SPAST: variants seen among roughly 807,000 people sequenced by gnomAD.
SPAST encodes the protein spastic paraplegia 4 (autosomal dominant; spastin).
A neutral mutation model predicts 76.6 loss-of-function variants in SPAST; 30 were observed. The ratio of observed to expected loss-of-function variants is 0.39; its 90% CI spans 0.29 to 0.53. SPAST has a LOEUF of 0.53. Among genes scored for constraint, SPAST ranks in the 20% least tolerant of loss-of-function variants. The pLI, the probability that SPAST is intolerant of heterozygous loss-of-function variation, is 0.68. For missense variants in SPAST, 717 were observed against 770.5 expected (o/e 0.93, Z 0.82); for synonymous variants, 305 against 281.0 (o/e 1.09, Z -0.86).
chr2:32,118,855 G>T (rs1678927717), intron 7 of SPAST, among the ~76,000 whole-genome samples: 1 of 152,134 alleles, frequency 6.6e-6, no homozygotes, highest in Non-Finnish European at 1.5e-5. Context: ...TTTAGGCTAT[G>T]CAAGAAAAGT....
chr2:32,101,099 T>C (rs1350995783), intron 4 of SPAST, among the ~76,000 whole-genome samples: 1 of 152,196 alleles, frequency 6.6e-6, no homozygotes, highest in Non-Finnish European at 1.5e-5. Flanking sequence ...TGTTCCTGTT[T>C]CTCCACATCC....
At chr2:32,112,320 C>T (rs1196905440) in intron 4 of SPAST, among the ~76,000 whole-genome samples, 1 of 149,006 alleles carries the variant, frequency 6.7e-6, no homozygotes, top group African/African-American at 2.5e-5. Flanking sequence ...ATTCTAGAAC[C>T]TCGTTTTAAG....
chr2:32,125,523 G>C (rs1679161828), intron 7 of SPAST, among the ~76,000 whole-genome samples: 1 of 151,862 alleles, frequency 6.6e-6, no homozygotes, highest in African/African-American at 2.4e-5. Flanking sequence ...GCGCCCAGCA[G>C]GTTTTTTTTT....
At chr2:32,070,180 C>T (rs1676691995) in intron 1 of SPAST, among the ~76,000 whole-genome samples, 1 of 151,880 alleles carries the variant, frequency 6.6e-6, no homozygotes, top group African/African-American at 2.4e-5. Context: ...ATTCTCCTGC[C>T]TCAGTCTCCC....
intron 4 of SPAST, among the ~76,000 whole-genome samples, chr2:32,100,061 G>C (rs1678061352): frequency 6.6e-6 from 1 of 152,082 alleles, no homozygotes; most frequent in African/African-American, 2.4e-5. Flanking sequence ...TGGTAGTTCT[G>C]TTTGTAGTTT....
chr2:32,156,593 G>C lies in SPAST; in HGVS notation c.*2097G>C. ...AGTAATGAAATATATATGATGAAAA[G>C]AATTGAGAAGTTCTAAATTAAGACA... On this transcript the variant is annotated 3_prime_UTR_variant, in exon 17 of 17. Coordinates refer to ENST00000315285, the MANE Select transcript of SPAST (RefSeq NM_014946.4). The C allele has an allele frequency of 6.6e-6, 1 of 152,080 alleles. No homozygotes were observed. Among genetic ancestry groups the C allele is most frequent in the East Asian group, 1.9e-4 (1 of 5,200 alleles). The allele number at this position is 152,080 out of a possible 1,614,324, so 9.4% of individuals were successfully genotyped here.
At chr2:32,149,063 T>G (rs1679989302) in intron 16 of SPAST, among the ~76,000 whole-genome samples, 1 of 152,064 alleles carries the variant, frequency 6.6e-6, no homozygotes, top group Admixed American at 6.6e-5. Flanking sequence ...ATGTTCTATT[T>G]TGTTTTTCAA....
intron 1 of SPAST, among the ~76,000 whole-genome samples, chr2:32,068,713 G>T (rs1484928482): frequency 1.3e-5 from 2 of 152,084 alleles, no homozygotes; most frequent in Admixed American, 1.3e-4. Flanking sequence ...ATTACTTAAA[G>T]ATTCATTTTC....
chr2:32,149,611 G>A (rs1680009405), intron 16 of SPAST, among the ~76,000 whole-genome samples: 1 of 151,922 alleles, frequency 6.6e-6, no homozygotes, highest in African/African-American at 2.4e-5. Flanking sequence ...AAAAATACTT[G>A]GGGGAAAAAA....
In SPAST at chr2:32,122,120, C is replaced by T. The variant is rs571631875; in HGVS notation, c.1099-4828C>T. 2.0e-5 allele frequency among the ~76,000 whole-genome samples: 3 copies of T among 152,202 alleles called. No individual in the cohort carries two copies. The East Asian group carries it at 5.8e-4, about 29-fold the overall frequency. On this transcript the variant is annotated intron_variant, in intron 7 of 16. Coordinates refer to ENST00000315285, the MANE Select transcript of SPAST (RefSeq NM_014946.4). The stretch of plus-strand genomic sequence containing the variant: ...AATCACAGGATGATCAAGCAGCAAG[C>T]CTACTGTTTATTTGGGTTTCTCCAA...
chr2:32,153,835 G>C (rs1164181619), intron 16 of SPAST, among the ~76,000 whole-genome samples: 1 of 152,042 alleles, frequency 6.6e-6, no homozygotes, highest in Non-Finnish European at 1.5e-5. Context: ...CCAGCACTTT[G>C]GGAGGCCAAG....
intron 1 of SPAST, among the ~76,000 whole-genome samples, chr2:32,072,534 T>C (rs1339734220): frequency 1.3e-5 from 2 of 152,216 alleles, no homozygotes; most frequent in African/African-American, 4.8e-5. Context: ...CTTCTCATTA[T>C]GGCCTGAACT....
intron 9 of SPAST, among the ~76,000 whole-genome samples, chr2:32,134,056 A>G (rs1460271037): frequency 6.6e-6 from 1 of 152,128 alleles, no homozygotes; most frequent in Admixed American, 6.6e-5. Flanking sequence ...TTATTTTTTA[A>G]GACAGGGTCT....
At chr2:32,090,645 G>C (rs896502691) in intron 3 of SPAST, among the ~76,000 whole-genome samples, 1 of 151,996 alleles carries the variant, frequency 6.6e-6, no homozygotes, top group Admixed American at 6.6e-5. Flanking sequence ...AAAAAGATCC[G>C]TATGTCTCTT....
intron 3 of SPAST, among the ~76,000 whole-genome samples, chr2:32,092,609 A>G (rs1020839839): frequency 1.6e-4 from 24 of 152,238 alleles, no homozygotes; most frequent in African/African-American, 5.8e-4. Context: ...TAGGCATTTA[A>G]AGATTTAACG....
chr2:32,104,337 A>G (rs916375490), intron 4 of SPAST, among the ~76,000 whole-genome samples: 3 of 152,008 alleles, frequency 2.0e-5, no homozygotes, highest in African/African-American at 4.8e-5. Flanking sequence ...TTTTGAGCCT[A>G]TGTGTGTCTC....
chr2:32,074,046 CAT>C (rs1387709273), intron 1 of SPAST, among the ~76,000 whole-genome samples: 2 of 152,116 alleles, frequency 1.3e-5, no homozygotes, highest in Non-Finnish European at 2.9e-5. Context: ...GGAGAACACA[CAT>C]ATGTAATAAC....
At chr2:32,143,829 G>A (rs866492211) in intron 14 of SPAST, among the ~76,000 whole-genome samples, 31 of 152,008 alleles carry the variant, frequency 2.0e-4, no homozygotes, top group African/African-American at 6.5e-4. Flanking sequence ...GCTTCAGCCC[G>A]GGAGGTGGAG....
chr2:32,090,774 T>C (rs1032274072), intron 3 of SPAST, among the ~76,000 whole-genome samples: 6 of 152,218 alleles, frequency 3.9e-5, no homozygotes, highest in African/African-American at 7.2e-5. Context: ...TTTTGTGGTA[T>C]GTTTTAACAT....
Sources: allele counts gnomAD v4.1 joint callset (sites outside exome capture counted in the v4.1 genomes callset), GRCh38; gene constraint gnomAD v4.1.1; transcripts MANE v1.5; gene names NCBI Gene and HGNC (gene_info 2026-07-23, HGNC 2026-07-21).